CCNA1: variants seen among roughly 807,000 people sequenced by gnomAD.
The protein encoded by CCNA1 is cyclin A1, also known as cyclin-A1.
Under a neutral mutation model 54.1 loss-of-function variants are expected in CCNA1, and 23 were observed. The observed-to-expected ratio is 0.42, with a 90% confidence interval of 0.31 to 0.60. CCNA1 has a LOEUF of 0.60. CCNA1 is among the 20% of genes least tolerant of loss of function. The pLI, the probability that CCNA1 is intolerant of heterozygous loss-of-function variation, is 0.14. For missense variants in CCNA1, 450 were observed against 556.7 expected (o/e 0.81, Z 1.93); for synonymous variants, 208 against 213.9 (o/e 0.97, Z 0.24).
rs1175454234 is a variant in CCNA1 at position 36,442,276 on chromosome 13, G to A, written c.1318G>A (p.Ala440Thr). 1.9e-6 allele frequency: 3 copies of A among 1,613,980 alleles called. No homozygotes were observed. Among genetic ancestry groups the A allele is most frequent in the Admixed American group, 3.3e-5 (2 of 59,994 alleles). ...TGATATACCCCATCGACCTCAGCAA[G>A]CAATTAGGGAGAAGTACAAGGCTTC... The change falls in exon 8 of 9, where the codon GCA becomes ACA. Residue 440 changes from alanine to threonine, a missense_variant. Ala to Thr is a moderately conservative substitution (Grantham distance 58, BLOSUM62 0). This residue lies in a region of CCNA1 where 53 missense variants were observed against 50.1 expected (regional missense o/e 1.06). Transcript: ENST00000255465.
chr13:36,441,729 G>A (rs1240423303), intron 7 of CCNA1, among the ~76,000 whole-genome samples: 1 of 152,056 alleles, frequency 6.6e-6, no homozygotes, highest in Non-Finnish European at 1.5e-5. Flanking sequence ...AAGAAGTGGG[G>A]TGTCTACCCT....
chr13:36,432,474 C>T, upstream of CCNA1: 1 of 554,804 alleles, frequency 1.8e-6, no homozygotes, highest in Non-Finnish European at 3.2e-6. Context: ...CTCTTAACCG[C>T]GATCCTCCAG....
In CCNA1 at chr13:36,435,820, G is replaced by A. The variant is rs376457897; in HGVS notation, c.298-1809G>A. ...CCACTTAGGTCATATAATAAGCAAC[G>A]TATAAAACGAAACACCCATCCTTTT... On this transcript the variant is annotated intron_variant, in intron 2 of 8. Transcript: ENST00000255465. Among the ~76,000 whole-genome samples, 9 of 152,220 alleles carry A rather than the reference G, an allele frequency of 5.9e-5. No individual in the cohort carries two copies. In the East Asian group the frequency reaches 7.7e-4, roughly 13 times the overall value.
intron 1 of CCNA1, 60 bp from the exon 2 acceptor site, chr13:36,432,973 T>G: frequency 6.6e-7 from 1 of 1,524,896 alleles, no homozygotes; most frequent in Non-Finnish European, 9.0e-7. Context: ...CGCTGTGTCC[T>G]TGGAGCCCGG....
intron 2 of CCNA1, among the ~76,000 whole-genome samples, chr13:36,434,890 C>G (rs1382658052): frequency 6.7e-6 from 1 of 149,240 alleles, no homozygotes; most frequent in Admixed American, 6.7e-5. Flanking sequence ...GGATGTTACT[C>G]TAGCCACTTT....
In CCNA1 at chr13:36,441,183, T is replaced by C; in HGVS notation, c.1164T>C (p.Ala388=). Residue 388 remains alanine, a synonymous_variant, in exon 7 of 9, where the codon GCT becomes GCC. Coordinates refer to ENST00000255465, the MANE Select transcript of CCNA1 (RefSeq NM_003914.4). ...TGAAATATCTTCCTTCACTGATAGC[T>C]GCAGCAGCTTTTTGCCTGGCAAACT... 1 of 1,613,390 alleles carries C rather than the reference T, an allele frequency of 6.2e-7. No individual in the cohort carries two copies.
chr13:36,435,564 C>T (rs1253355973), intron 2 of CCNA1, among the ~76,000 whole-genome samples: 2 of 152,218 alleles, frequency 1.3e-5, no homozygotes, highest in Admixed American at 6.5e-5. Flanking sequence ...TTCTACCTAG[C>T]TCATTGGCCA....
chr13:36,440,585 T>G lies in CCNA1; in HGVS notation c.1098+402T>G, dbSNP rs530206851. 7.2e-5 allele frequency among the ~76,000 whole-genome samples: 11 copies of G among 152,308 alleles called. No homozygotes were observed. In the South Asian group the frequency reaches 1.0e-3, roughly 14 times the overall value. On this transcript the variant is annotated intron_variant, in intron 6 of 8. Transcript: ENST00000255465. ...GTTGTTTGGAGTTACAGAACTTTAG[T>G]TGAAGGCATTGAAGTATTGCTTTGG... is the stretch of plus-strand genomic sequence containing the variant.
chr13:36,437,171 T>C (rs1347961254), intron 2 of CCNA1, among the ~76,000 whole-genome samples: 1 of 152,090 alleles, frequency 6.6e-6, no homozygotes, highest in African/African-American at 2.4e-5. Context: ...ATGGAAACAT[T>C]ATAGGGGCCT....
In CCNA1 at chr13:36,442,739, C is replaced by A; in HGVS notation, c.*74C>A. The A allele has an allele frequency of 8.4e-7, 1 of 1,191,922 alleles. No homozygotes were observed. Among genetic ancestry groups the A allele is most frequent in the Non-Finnish European group, 1.2e-6 (1 of 801,170 alleles). 73.8% of individuals were successfully genotyped at this position (1,191,922 alleles called of 1,614,324 possible). ...CCAATAATCGTCATAGGCTTCTGCACGTTGGATCAACTAATGTTGTTTACA... is the reference window on the plus strand; with the variant it reads ...CCAATAATCGTCATAGGCTTCTGCAAGTTGGATCAACTAATGTTGTTTACA... On this transcript the variant is annotated 3_prime_UTR_variant, in exon 9 of 9. Coordinates refer to ENST00000255465, the MANE Select transcript of CCNA1 (RefSeq NM_003914.4).
rs1377599793 is a variant in CCNA1, at chr13:36,438,809, A to T, written c.835A>T (p.Met279Leu). The change falls in exon 5 of 9, where the codon ATG becomes TTG. Residue 279 changes from methionine to leucine, a missense_variant. Transcript: ENST00000255465. ...CTTCCTGGACAGGTTCCTTTCATGTATGTCTGTTCTGAGAGGGAAACTGCA... is the reference window on the plus strand; with the variant it reads ...CTTCCTGGACAGGTTCCTTTCATGTTTGTCTGTTCTGAGAGGGAAACTGCA... The T allele has an allele frequency of 3.1e-6, 5 of 1,614,052 alleles. No homozygotes were observed. Among genetic ancestry groups the T allele is most frequent in the Non-Finnish European group, 4.2e-6 (5 of 1,179,996 alleles).
intron 1 of CCNA1, 91 bp downstream of exon 1, chr13:36,432,820 C>A: frequency 9.8e-7 from 1 of 1,022,996 alleles, no homozygotes; most frequent in South Asian, 1.4e-5. Context: ...AAAAGCCTCC[C>A]TCAGGGATTC....
intron 2 of CCNA1, among the ~76,000 whole-genome samples, chr13:36,433,431 T>TTCG (rs2055754388): frequency 1.1e-5 from 1 of 94,542 alleles, no homozygotes; most frequent in African/African-American, 4.1e-5. Context: ...TCTTTCTTTC[T>TTCG]TTCTTTCTTT....
At position 36,440,431 on chromosome 13, in the gene CCNA1, ACT is replaced by A. The variant is rs779542600; in HGVS notation, c.1098+249_1098+250del. Among the ~76,000 whole-genome samples, 193 of 152,262 alleles carry A rather than the reference ACT, an allele frequency of 1.3e-3. 1 individual carries two copies. Among genetic ancestry groups the A allele is most frequent in the Non-Finnish European group, 2.3e-3 (156 of 68,008 alleles). ...ACTATTTAAAAATTTAAGCTTGGAA[ACT>A]GTTCTCTTATTGGATACAGACCACA... On this transcript the variant is annotated intron_variant, in intron 6 of 8. Coordinates refer to ENST00000255465, the MANE Select transcript of CCNA1 (RefSeq NM_003914.4).
chr13:36,437,863 G>T lies in CCNA1; in HGVS notation c.532G>T (p.Asp178Tyr), dbSNP rs976256337. ...CAAGTCAGACCTGCACTTCCTGCTG[G>T]ATTTCAACACAGGTAACTGACTTGC... Residue 178 changes from aspartate (D) to tyrosine (Y), a missense_variant, in exon 3 of 9, where the codon GAT (aspartate) becomes TAT (tyrosine). This residue lies in a region of CCNA1 where 103 missense variants were observed against 92.9 expected (regional missense o/e 1.11). Transcript: ENST00000255465. 6.2e-7 allele frequency: 1 copy of T among 1,613,460 alleles called. No individual in the cohort carries two copies. Among genetic ancestry groups the T allele is most frequent in the African/African-American group, 1.3e-5 (1 of 74,924 alleles).
intron 5 of CCNA1, among the ~76,000 whole-genome samples, chr13:36,439,321 T>C (rs147881240): frequency 6.6e-6 from 1 of 152,244 alleles, no homozygotes; most frequent in African/African-American, 2.4e-5. Context: ...AAGTACCTAA[T>C]TGTGTGGGAA....
chr13:36,442,339 A>C (rs2055885775), intron 8 of CCNA1, 35 bp downstream of exon 8: 1 of 1,604,938 alleles, frequency 6.2e-7, no homozygotes. Context: ...TTAGCTCTCT[A>C]TTTAAAGCTT....
chr13:36,433,435 TTTC>T (rs774866557), intron 2 of CCNA1, among the ~76,000 whole-genome samples: 5,275 of 81,174 alleles, frequency 0.065, 346 homozygotes, highest in Non-Finnish European at 0.096. Context: ...TCTTTCTTTC[TTTC>T]TTTCGTTCTT....
intron 1 of CCNA1, 72 bp downstream of exon 1, chr13:36,432,801 C>G: frequency 8.7e-7 from 1 of 1,145,420 alleles, no homozygotes; most frequent in Non-Finnish European, 1.3e-6. Flanking sequence ...AACACGAAGT[C>G]TTGGGATAAA....
Sources: allele counts gnomAD v4.1 joint callset (sites outside exome capture counted in the v4.1 genomes callset), GRCh38; gene constraint gnomAD v4.1.1; regional missense constraint gnomAD v4.1.1; transcripts MANE v1.5; gene names NCBI Gene and HGNC (gene_info 2026-07-23, HGNC 2026-07-21).